Variants in IPMK observed in about 807,000 individuals in gnomAD.
IPMK encodes the protein inositol polyphosphate multikinase, also known as inositol 1,3,4,6-tetrakisphosphate 5-kinase.
Under a neutral mutation model 45.8 loss-of-function variants are expected in IPMK, and 17 were observed. The observed-to-expected ratio is 0.37, with a 90% CI of 0.25 to 0.56. The LOEUF is 0.56. Among genes scored for constraint, IPMK ranks in the 20% least tolerant of loss-of-function variants. The pLI is 0.79. For synonymous variants in IPMK, 180 were observed against 184.3 expected, an observed-to-expected ratio of 0.98 and a Z score of 0.19; for missense variants, 399 against 498.0, an observed-to-expected ratio of 0.80 and a Z score of 1.89.
chr10:58,227,125 G>A lies in IPMK; in HGVS notation c.291C>T (p.Asp97=). 1.2e-6 allele frequency: 2 copies of A among 1,612,468 alleles called. No individual in the cohort carries two copies. Among genetic ancestry groups the A allele is most frequent in the Non-Finnish European group, 1.7e-6 (2 of 1,178,952 alleles). ...LEFYNMVYAA[D]CFDGVLLELR... ...GCTCTAGAAGAACACCATCAAAACA[G>A]TCAGCAGCATAAACCTGAAACAGAG... The change falls in exon 3 of 6, where the codon GAC becomes GAT. Residue 97 remains aspartate (D), a synonymous_variant. Transcript: ENST00000373935.
chr10:58,217,400 C>T (rs2590307), intron 3 of IPMK, among the ~76,000 whole-genome samples: 51,038 of 151,124 alleles, frequency 0.34, 10,851 homozygotes, highest in African/African-American at 0.61. Context: ...GGTTAAAGAA[C>T]CGTCTCGGCC....
At chr10:58,267,332 G>C in intron 1 of IPMK, 90 bp downstream of exon 1, 1 of 1,340,064 alleles carries the variant, frequency 7.5e-7, no homozygotes, top group Non-Finnish European at 1.1e-6. Context: ...GGGGCGTCCA[G>C]GCAGGCCCGA....
intron 4 of IPMK, among the ~76,000 whole-genome samples, chr10:58,207,789 T>C (rs1838092423): frequency 6.6e-6 from 1 of 152,206 alleles, no homozygotes; most frequent in Admixed American, 6.5e-5. Context: ...TTGCGTTTCT[T>C]GTAATTGATG....
intron 4 of IPMK, among the ~76,000 whole-genome samples, chr10:58,206,407 A>G (rs544728109): frequency 2.0e-5 from 3 of 152,362 alleles, no homozygotes; most frequent in Non-Finnish European, 4.4e-5. Flanking sequence ...CTATGAATTG[A>G]TTAAAACCAG....
At chr10:58,257,699 A>C (rs2132265184) in intron 1 of IPMK, among the ~76,000 whole-genome samples, 2 of 152,254 alleles carry the variant, frequency 1.3e-5, no homozygotes, top group African/African-American at 4.8e-5. Context: ...TTGAAGACAC[A>C]GATGAGTTAA....
Position 58,267,492 on chromosome 10 carries a change from G to C in IPMK, c.120C>G (p.Leu40=), listed in dbSNP as rs912709520. The change falls in exon 1 of 6, where the codon CTC becomes CTG. Residue 40 remains leucine (L), a synonymous_variant. Coordinates refer to ENST00000373935, the MANE Select transcript of IPMK (RefSeq NM_152230.5). The part of the protein sequence containing the change: ...EGTPQPAGGR[L]RFLNGCVPLS... ...GGGGCACGCAGCCGTTGAGGAAGCG[G>C]AGTCTGCCGCCCGCCGGCTGCGGGG... is the stretch of plus-strand genomic sequence containing the variant. 1 of 1,613,654 alleles carries C rather than the reference G, an allele frequency of 6.2e-7. No homozygotes were observed. The highest frequency in any genetic ancestry group is 1.7e-5 in the Admixed American group (1 of 60,008).
Position 58,266,019 on chromosome 10 carries a change from T to C in IPMK, c.190+1403A>G, listed in dbSNP as rs975166779. Reference sequence around the variant, plus strand: ...TAATATAAATCAATAGGCATTCCTCTATTAACAGAAACCCCATGAGTACTC... The same window carrying C: ...TAATATAAATCAATAGGCATTCCTCCATTAACAGAAACCCCATGAGTACTC... On this transcript the variant is annotated intron_variant, in intron 1 of 5. Coordinates refer to ENST00000373935, the MANE Select transcript of IPMK (RefSeq NM_152230.5). Among the ~76,000 whole-genome samples, 5 of 152,346 alleles carry C rather than the reference T, an allele frequency of 3.3e-5. No homozygotes were observed. In the East Asian group the frequency reaches 9.6e-4, roughly 29 times the overall value.
At chr10:58,243,629 C>T (rs188002191) in intron 1 of IPMK, among the ~76,000 whole-genome samples, 104 of 152,338 alleles carry the variant, frequency 6.8e-4, no homozygotes, top group African/African-American at 2.3e-3. Context: ...CTCGGCCTCC[C>T]GAGGTGCTGG....
At chr10:58,244,713 C>T (rs1838769263) in intron 1 of IPMK, among the ~76,000 whole-genome samples, 1 of 152,108 alleles carries the variant, frequency 6.6e-6, no homozygotes, top group South Asian at 2.1e-4. Flanking sequence ...ATTCTTCTGC[C>T]TTGGGATGCT....
intron 4 of IPMK, among the ~76,000 whole-genome samples, chr10:58,213,680 C>T (rs1232429498): frequency 6.8e-6 from 1 of 146,032 alleles, no homozygotes; most frequent in African/African-American, 2.6e-5. Context: ...AGCGAGACTC[C>T]GTCTCAAAAA....
At chr10:58,246,853 C>G (rs1007679224) in intron 1 of IPMK, among the ~76,000 whole-genome samples, 1 of 151,596 alleles carries the variant, frequency 6.6e-6, no homozygotes, top group Non-Finnish European at 1.5e-5. Context: ...ACACTACCAT[C>G]AGAGTGAACA....
At chr10:58,261,583 TTTTG>T (rs1029850165) in intron 1 of IPMK, among the ~76,000 whole-genome samples, 1 of 151,598 alleles carries the variant, frequency 6.6e-6, no homozygotes, top group African/African-American at 2.4e-5. Flanking sequence ...TCCAACTAAC[TTTTG>T]TTTGTTTTTT....
At chr10:58,214,969 G>C (rs61875333) in intron 4 of IPMK, among the ~76,000 whole-genome samples, 6,484 of 152,186 alleles carry the variant, frequency 0.043, 178 homozygotes, top group East Asian at 0.14. Flanking sequence ...CCATAAATCT[G>C]GGCTAGCCCT....
At chr10:58,224,500 C>T (rs1286463902) in intron 3 of IPMK, among the ~76,000 whole-genome samples, 3 of 152,098 alleles carry the variant, frequency 2.0e-5, no homozygotes, top group Middle Eastern at 3.4e-3. Flanking sequence ...TATAATTCTG[C>T]GAATATACTA....
chr10:58,218,691 T>C (rs1172358567), intron 3 of IPMK, among the ~76,000 whole-genome samples: 1 of 152,216 alleles, frequency 6.6e-6, no homozygotes, highest in Non-Finnish European at 1.5e-5. Flanking sequence ...TATCTCACTG[T>C]AGGGTTAGTG....
At chr10:58,203,892 T>G (rs1838033202) in intron 4 of IPMK, among the ~76,000 whole-genome samples, 1 of 152,188 alleles carries the variant, frequency 6.6e-6, no homozygotes. Context: ...GCTGTCTTAT[T>G]TTAAGAAATT....
chr10:58,251,415 T>C (rs1046657344), intron 1 of IPMK, among the ~76,000 whole-genome samples: 5 of 152,160 alleles, frequency 3.3e-5, no homozygotes, highest in Non-Finnish European at 7.4e-5. Flanking sequence ...TGATTTATCC[T>C]GGAGAATGCC....
At chr10:58,218,177 C>T (rs189308490) in intron 3 of IPMK, among the ~76,000 whole-genome samples, 130 of 152,284 alleles carry the variant, frequency 8.5e-4, no homozygotes, top group African/African-American at 3.1e-3. Context: ...CACTGACACA[C>T]CCAAGGAGCC....
intron 1 of IPMK, among the ~76,000 whole-genome samples, chr10:58,249,126 T>C (rs1303880363): frequency 6.6e-5 from 10 of 152,268 alleles, no homozygotes; most frequent in Admixed American, 6.5e-4. Context: ...AAAGTGGCTA[T>C]ACTAATTTAC....
Sources: allele counts gnomAD v4.1 joint callset (sites outside exome capture counted in the v4.1 genomes callset), GRCh38; gene constraint gnomAD v4.1.1; transcripts MANE v1.5; gene names NCBI Gene and HGNC (gene_info 2026-07-23, HGNC 2026-07-21).